Variants in GLRA3 observed in about 807,000 individuals in gnomAD.
GLRA3 encodes the protein glycine receptor alpha 3.
GLRA3 carries 44 observed loss-of-function variants against 60.4 expected under a neutral mutation model. The observed-to-expected ratio is 0.73, with a 90% confidence interval of 0.57 to 0.94. The LOEUF (loss-of-function observed/expected upper bound fraction) is 0.94. GLRA3 is among the 40% of genes least tolerant of loss of function. The pLI is 0.00. For synonymous variants in GLRA3, 223 were observed against 192.9 expected (o/e 1.16, Z -1.29); for missense variants, 508 against 564.6 (o/e 0.90, Z 1.02).
intron 1 of GLRA3, among the ~76,000 whole-genome samples, chr4:174,813,897 A>T (rs1023792769): frequency 3.7e-4 from 56 of 152,276 alleles, no homozygotes; most frequent in African/African-American, 1.3e-3. Flanking sequence ...TCTGAAACAG[A>T]TGCCTTGGCG....
chr4:174,692,338 G>C (rs1434833142), intron 5 of GLRA3, among the ~76,000 whole-genome samples: 2 of 147,204 alleles, frequency 1.4e-5, no homozygotes, highest in African/African-American at 2.5e-5. Flanking sequence ...CCCCCGCTCG[G>C]CCAGCCGCCA....
intron 1 of GLRA3, among the ~76,000 whole-genome samples, chr4:174,828,503 A>G (rs1383749761): frequency 6.6e-6 from 1 of 152,198 alleles, no homozygotes; most frequent in African/African-American, 2.4e-5. Context: ...TTTTTTTCTC[A>G]GCTGCAAATA....
At chr4:174,752,597 G>A (rs1054205481) in intron 3 of GLRA3, among the ~76,000 whole-genome samples, 52 of 152,066 alleles carry the variant, frequency 3.4e-4, no homozygotes, top group Non-Finnish European at 5.9e-4. Context: ...AAAGTTTGAC[G>A]ATAGAAAAGA....
chr4:174,692,534 G>T (rs1314628191), intron 5 of GLRA3, among the ~76,000 whole-genome samples: 3 of 150,044 alleles, frequency 2.0e-5, no homozygotes, highest in Non-Finnish European at 3.0e-5. Flanking sequence ...GAAATCGGAT[G>T]GTTGCCGTGT....
At chr4:174,646,341 G>T (rs1732813398) in intron 9 of GLRA3, among the ~76,000 whole-genome samples, 1 of 152,258 alleles carries the variant, frequency 6.6e-6, no homozygotes, top group East Asian at 1.9e-4. Context: ...TTTCTCAATT[G>T]TATCTTTCCA....
At chr4:174,701,601 G>A (rs1735323177) in intron 5 of GLRA3, among the ~76,000 whole-genome samples, 1 of 152,164 alleles carries the variant, frequency 6.6e-6, no homozygotes, top group Non-Finnish European at 1.5e-5. Context: ...TCCTCTTATG[G>A]ATCTGGGCAA....
At chr4:174,646,017 T>C (rs1732799153) in intron 9 of GLRA3, among the ~76,000 whole-genome samples, 1 of 152,218 alleles carries the variant, frequency 6.6e-6, no homozygotes, top group South Asian at 2.1e-4. Context: ...AATGTTGAAG[T>C]ATAAAATAGG....
rs141457844 is a variant in GLRA3, at chr4:174,704,112, T to C, written c.574+11376A>G. 2.2e-3 allele frequency among the ~76,000 whole-genome samples: 269 copies of C among 119,618 alleles called. 16 individuals carry two copies. Among genetic ancestry groups the C allele is most frequent in the African/African-American group, 7.3e-3 (254 of 34,952 alleles). The allele number at this position is 119,618 out of a possible 152,430, so 78.5% of individuals were successfully genotyped here. ...GTGTTCGAGACCAACCTGGGCAACA[T>C]GGCAAAACCCCATCTCTATCAAAAA... On this transcript the variant is annotated intron_variant, in intron 5 of 9. Transcript: ENST00000274093.
At chr4:174,814,060 AG>A (rs5864291) in intron 1 of GLRA3, among the ~76,000 whole-genome samples, 18,698 of 152,102 alleles carry the variant, frequency 0.12, 1,238 homozygotes, top group South Asian at 0.17. Flanking sequence ...AGCAGCATCA[AG>A]GGGGGGTATC....
intron 1 of GLRA3, among the ~76,000 whole-genome samples, chr4:174,809,323 T>C (rs548735021): frequency 6.6e-6 from 1 of 152,296 alleles, no homozygotes; most frequent in African/African-American, 2.4e-5. Flanking sequence ...GTAAGTACAC[T>C]CTATGATGTT....
chr4:174,701,233 T>C (rs146071915), intron 5 of GLRA3, among the ~76,000 whole-genome samples: 1 of 152,196 alleles, frequency 6.6e-6, no homozygotes, highest in East Asian at 1.9e-4. Context: ...CGCTCAAAGA[T>C]CCTAGGGCCC....
At chr4:174,809,131 T>A (rs1050467414) in intron 1 of GLRA3, among the ~76,000 whole-genome samples, 5 of 152,156 alleles carry the variant, frequency 3.3e-5, no homozygotes, top group African/African-American at 1.2e-4. Flanking sequence ...GCTTTTACCT[T>A]TAGCAAACGT....
intron 5 of GLRA3, among the ~76,000 whole-genome samples, chr4:174,691,471 G>A (rs1453988703): frequency 3.3e-5 from 5 of 152,190 alleles, no homozygotes; most frequent in African/African-American, 1.2e-4. Flanking sequence ...TGCCATCTCG[G>A]CTCACTGCAA....
intron 2 of GLRA3, among the ~76,000 whole-genome samples, chr4:174,772,836 G>T (rs559730402): frequency 1.3e-5 from 2 of 152,110 alleles, no homozygotes; most frequent in South Asian, 4.1e-4. Context: ...ATAATAGTCT[G>T]GGATGGGGAC....
intron 1 of GLRA3, among the ~76,000 whole-genome samples, chr4:174,819,597 T>G (rs1352061): frequency 0.24 from 35,922 of 152,206 alleles, 4,986 homozygotes; most frequent in Non-Finnish European, 0.31. Flanking sequence ...AAATGTTTTT[T>G]CTCAATATTT....
At chr4:174,671,274 A>G (rs1279752831) in intron 7 of GLRA3, among the ~76,000 whole-genome samples, 2 of 152,188 alleles carry the variant, frequency 1.3e-5, no homozygotes. Flanking sequence ...AATATTACTG[A>G]CAATAATAAC....
rs567612126 is a variant in GLRA3, at chr4:174,649,009, A to T, written c.1117-4945T>A. The stretch of plus-strand genomic sequence containing the variant: ...TCAGAAGTTAAATCCCACGGTGCCA[A>T]TGGGGAATGGAAACAAAAGGCACTG... On this transcript the variant is annotated intron_variant, in intron 9 of 9. Transcript: ENST00000274093. 2.9e-4 allele frequency among the ~76,000 whole-genome samples: 44 copies of T among 152,272 alleles called. 1 individual carries two copies. Among genetic ancestry groups the T allele is most frequent in the African/African-American group, 1.0e-3 (42 of 41,560 alleles).
At chr4:174,775,290 T>C in intron 2 of GLRA3, among the ~76,000 whole-genome samples, 1 of 152,128 alleles carries the variant, frequency 6.6e-6, no homozygotes. Context: ...ACCTTTAAAA[T>C]GCTAACATTT....
intron 6 of GLRA3, among the ~76,000 whole-genome samples, chr4:174,681,764 C>T (rs80317039): frequency 0.039 from 5,882 of 152,176 alleles, 152 homozygotes; most frequent in Non-Finnish European, 0.059. Context: ...AACTAATATA[C>T]CTCCCTAAGC....
Sources: allele counts gnomAD v4.1 joint callset (sites outside exome capture counted in the v4.1 genomes callset), GRCh38; gene constraint gnomAD v4.1.1; transcripts MANE v1.5; gene names NCBI Gene and HGNC (gene_info 2026-07-23, HGNC 2026-07-21).